PCDHGB5: variants seen among roughly 807,000 people sequenced by gnomAD.
PCDHGB5 encodes the protein protocadherin gamma subfamily B, 5, also known as protocadherin gamma-B5.
In PCDHGB5, 48 loss-of-function variants were observed where a neutral mutation model predicts 62.9. The observed-to-expected ratio is 0.76, with a 90% CI of 0.61 to 0.97. The LOEUF (loss-of-function observed/expected upper bound fraction) is 0.97. Ranked by LOEUF, PCDHGB5 falls within the 50% of genes least tolerant of loss-of-function variation. PCDHGB5 has a pLI of 0.00. For synonymous variants in PCDHGB5, 474 were observed against 511.2 expected, an observed-to-expected ratio of 0.93 and a Z score of 0.98; for missense variants, 1,118 against 1,198.6, an observed-to-expected ratio of 0.93 and a Z score of 0.99.
chr5:141,432,919 C>T lies in PCDHGB5; in HGVS notation c.2397+32395C>T. ...TGGCGCTCAGGCTGCGGCGCTGGCACAAGTCACGCCTGCTGCAGGCTTCAG... is the reference window on the plus strand; with the variant it reads ...TGGCGCTCAGGCTGCGGCGCTGGCATAAGTCACGCCTGCTGCAGGCTTCAG... On this transcript the variant is annotated intron_variant, in intron 1 of 3. Coordinates refer to ENST00000617380, the MANE Select transcript of PCDHGB5 (RefSeq NM_018925.3). The surrounding 1 kb of genome is among the most constrained non-coding windows in gnomAD (Gnocchi z 6.0). The T allele has an allele frequency of 2.5e-6, 4 of 1,614,210 alleles. No individual in the cohort carries two copies. Among genetic ancestry groups the T allele is most frequent in the Non-Finnish European group, 3.4e-6 (4 of 1,180,040 alleles).
In PCDHGB5 at chr5:141,491,406, C is replaced by G. The variant is rs773729429; in HGVS notation, c.2398-3401C>G. On this transcript the variant is annotated intron_variant, in intron 1 of 3. Transcript: ENST00000617380. This position sits in a 1 kb window ranked among gnomAD's most constrained non-coding sequence, Gnocchi z 6.9. ...CGAAGTGCCTTCAGGGAAACGCAGA[C>G]GGGGACGGGGGTGGAGGGCAGTGCT... 9 of 1,613,978 alleles carry G rather than the reference C, an allele frequency of 5.6e-6. No homozygotes were observed.
Position 141,438,643 on chromosome 5 carries a change from C to CATAT in PCDHGB5, c.2397+38120_2397+38121insTATA, listed in dbSNP as rs1213792286. ...ATATATATATATATATATACACACACACACACACATATATGTATATATATA... is the reference window on the plus strand; with the variant it reads ...ATATATATATATATATATACACACACATATACACACACATATATGTATATATATA... On this transcript the variant is annotated intron_variant, in intron 1 of 3. Transcript: ENST00000617380. Among the ~76,000 whole-genome samples, 345 of 117,382 alleles carry CATAT rather than the reference C, an allele frequency of 2.9e-3. 2 individuals are homozygous for CATAT. Among genetic ancestry groups the CATAT allele is most frequent in the Admixed American group, 6.8e-3 (78 of 11,434 alleles). 77.0% of individuals were successfully genotyped at this position (117,382 alleles called of 152,430 possible). A position where few individuals can be genotyped will look rare whatever the true frequency, so the allele number is the denominator to read the frequency against.
intron 2 of PCDHGB5, among the ~76,000 whole-genome samples, chr5:141,499,314 A>C (rs2099791047): frequency 6.6e-6 from 1 of 152,238 alleles, no homozygotes; most frequent in Non-Finnish European, 1.5e-5. Context: ...TCTGAGAGAC[A>C]GTATCCCTGC....
chr5:141,456,678 T>C (rs2098875796), intron 1 of PCDHGB5, among the ~76,000 whole-genome samples: 1 of 152,152 alleles, frequency 6.6e-6, no homozygotes, highest in South Asian at 2.1e-4. Flanking sequence ...TAAAAATGCA[T>C]TACTGGCCAG....
chr5:141,510,032 T>C (rs1410346284), intron 3 of PCDHGB5, among the ~76,000 whole-genome samples: 3 of 152,150 alleles, frequency 2.0e-5, no homozygotes, highest in Non-Finnish European at 4.4e-5. Flanking sequence ...GCTGGGCTGT[T>C]ATGTAGAGGT....
intron 1 of PCDHGB5, chr5:141,410,095 C>T (rs2095356889): frequency 1.2e-6 from 2 of 1,612,676 alleles, no homozygotes; most frequent in Non-Finnish European, 1.7e-6. Flanking sequence ...CGGCTCGAGC[C>T]TTAGGCGACA....
At chr5:141,419,796 T>C (rs1334397368) in intron 1 of PCDHGB5, 1 of 1,614,026 alleles carries the variant, frequency 6.2e-7, no homozygotes, top group Admixed American at 1.7e-5. Flanking sequence ...CTAGTCGCTG[T>C]AAGAGATGGA....
rs2099623095 is a variant in PCDHGB5 at position 141,486,025 on chromosome 5, T to C, written c.2398-8782T>C. 1 of 1,613,958 alleles carries C rather than the reference T, an allele frequency of 6.2e-7. No individual in the cohort carries two copies. The highest frequency in any genetic ancestry group is 8.5e-7 in the Non-Finnish European group (1 of 1,179,932). The stretch of plus-strand genomic sequence containing the variant: ...ACGTCACCTTTTATTTCAGTGGTCA[T>C]ACCCCTGATCGTGTAAGAAACCTCT... On this transcript the variant is annotated intron_variant, in intron 1 of 3. Transcript: ENST00000617380. The surrounding 1 kb of genome is among the most constrained non-coding windows in gnomAD (Gnocchi z 5.0).
Position 141,487,544 on chromosome 5 carries a change from C to A in PCDHGB5, c.2398-7263C>A. 1 of 1,614,190 alleles carries A rather than the reference C, an allele frequency of 6.2e-7. No homozygotes were observed. The highest frequency in any genetic ancestry group is 1.1e-5 in the South Asian group (1 of 91,088). On this transcript the variant is annotated intron_variant, in intron 1 of 3. Transcript: ENST00000617380. This position sits in a 1 kb window ranked among gnomAD's most constrained non-coding sequence, Gnocchi z 5.0. ...TGATAGCTTCATGATGGTGAAGTCA[C>A]CCAGTGCACCTATGGCAGGGGAGCC... is the stretch of plus-strand genomic sequence containing the variant.
At chr5:141,408,302 C>G (rs1017556555) in intron 1 of PCDHGB5, 1 of 1,613,662 alleles carries the variant, frequency 6.2e-7, no homozygotes. Flanking sequence ...TGAGCCGATC[C>G]GCTACTCGAT....
At position 141,405,363 on chromosome 5, in the gene PCDHGB5, C is replaced by T. The variant is rs765508317; in HGVS notation, c.2397+4839C>T. The T allele has an allele frequency of 2.0e-5, 33 of 1,613,690 alleles. No individual in the cohort carries two copies. The highest frequency in any genetic ancestry group is 2.7e-5 in the African/African-American group (2 of 74,888). On this transcript the variant is annotated intron_variant, in intron 1 of 3. Coordinates refer to ENST00000617380, the MANE Select transcript of PCDHGB5 (RefSeq NM_018925.3). ...GATTCCAAGTTTCCTATAGAAGACACCCCTTTGGTTCCGGTGAGTTCATTT... is the reference window on the plus strand; with the variant it reads ...GATTCCAAGTTTCCTATAGAAGACATCCCTTTGGTTCCGGTGAGTTCATTT...
rs2099883795 is a variant in PCDHGB5 at position 141,511,444 on chromosome 5, A to C, written c.*271A>C. 3.0e-6 allele frequency: 2 copies of C among 665,362 alleles called. No individual in the cohort carries two copies. The highest frequency in any genetic ancestry group is 3.6e-5 in the African/African-American group (2 of 54,978). 41.2% of individuals were successfully genotyped at this position (665,362 alleles called of 1,614,324 possible). On this transcript the variant is annotated 3_prime_UTR_variant, in exon 4 of 4. Coordinates refer to ENST00000617380, the MANE Select transcript of PCDHGB5 (RefSeq NM_018925.3). ...GGGTAGTGGGGTTACTGTAGACACC[A>C]AGAACCATTTGCCACACCCCGTTTA...
At position 141,491,117 on chromosome 5, in the gene PCDHGB5, G is replaced by A; in HGVS notation, c.2398-3690G>A. ...CTGTTCCTCGTGTCTACACACACTGGTGAGGTGCGCACAGCCCGGGCCTTA... is the reference window on the plus strand; with the variant it reads ...CTGTTCCTCGTGTCTACACACACTGATGAGGTGCGCACAGCCCGGGCCTTA... On this transcript the variant is annotated intron_variant, in intron 1 of 3. Coordinates refer to ENST00000617380, the MANE Select transcript of PCDHGB5 (RefSeq NM_018925.3). The surrounding 1 kb of genome is among the most constrained non-coding windows in gnomAD (Gnocchi z 6.9). 1 of 1,614,196 alleles carries A rather than the reference G, an allele frequency of 6.2e-7. No homozygotes were observed.
rs987773604 is a variant in PCDHGB5 at position 141,409,588 on chromosome 5, C to G, written c.2397+9064C>G. 5.6e-6 allele frequency: 9 copies of G among 1,613,760 alleles called. 1 individual carries two copies. The highest frequency in any genetic ancestry group is 7.6e-6 in the Non-Finnish European group (9 of 1,179,892). On this transcript the variant is annotated intron_variant, in intron 1 of 3. Transcript: ENST00000617380. ...AGACGTCCTACGTGGTCCACGTGGC[C>G]GAGAACAACCCGCCAGGAGCCTCCA...
chr5:141,482,160 T>G (rs577572891), intron 1 of PCDHGB5, among the ~76,000 whole-genome samples: 1 of 151,854 alleles, frequency 6.6e-6, no homozygotes, highest in Admixed American at 6.6e-5. Context: ...GTCAAAGATA[T>G]GTAAGATTAA....
Position 141,486,054 on chromosome 5 carries a change from G to T in PCDHGB5, c.2398-8753G>T. The T allele has an allele frequency of 1.2e-6, 2 of 1,614,124 alleles. No homozygotes were observed. Among genetic ancestry groups the T allele is most frequent in the South Asian group, 1.1e-5 (1 of 91,072 alleles). On this transcript the variant is annotated intron_variant, in intron 1 of 3. Transcript: ENST00000617380. The surrounding 1 kb of genome is among the most constrained non-coding windows in gnomAD (Gnocchi z 5.0). The stretch of plus-strand genomic sequence containing the variant: ...CCTGATCGTGTAAGAAACCTCTTTA[G>T]CCTGCACCCCACTACTGGAAAGCTT...
rs115982940 is a variant in PCDHGB5, at chr5:141,457,996, G to A, written c.2398-36811G>A. On this transcript the variant is annotated intron_variant, in intron 1 of 3. Transcript: ENST00000617380. ...AACACACCCTTTCAGTTAAAGCCTTGGCAAAATAACCGGTTTTTCCAATTG... is the reference window on the plus strand; with the variant it reads ...AACACACCCTTTCAGTTAAAGCCTTAGCAAAATAACCGGTTTTTCCAATTG... Among the ~76,000 whole-genome samples the A allele has an allele frequency of 2.4e-3, 372 of 152,212 alleles. 2 individuals carry two copies. Among genetic ancestry groups the A allele is most frequent in the African/African-American group, 8.4e-3 (347 of 41,522 alleles).
rs757755103 is a variant in PCDHGB5 at position 141,432,638 on chromosome 5, C to A, written c.2397+32114C>A. On this transcript the variant is annotated intron_variant, in intron 1 of 3. Coordinates refer to ENST00000617380, the MANE Select transcript of PCDHGB5 (RefSeq NM_018925.3). The surrounding 1 kb of genome is among the most constrained non-coding windows in gnomAD (Gnocchi z 6.0). ...GGTGGGTCTGCACACGGGCGAGGTG[C>A]GCACGGCGCGAGCCCTGCTGGACAG... The A allele has an allele frequency of 6.2e-6, 10 of 1,613,810 alleles. No homozygotes were observed. Among genetic ancestry groups the A allele is most frequent in the African/African-American group, 1.3e-5 (1 of 75,064 alleles).
intron 1 of PCDHGB5, chr5:141,423,769 CATAT>C (rs2096780943): frequency 8.2e-7 from 1 of 1,219,458 alleles, no homozygotes; most frequent in South Asian, 2.2e-5. Context: ...GGTGGGGCGG[CATAT>C]ATTTAGTTCA....
Sources: allele counts gnomAD v4.1 joint callset (sites outside exome capture counted in the v4.1 genomes callset), GRCh38; gene constraint gnomAD v4.1.1; non-coding constraint Gnocchi (gnomAD v3.1); transcripts MANE v1.5; gene names NCBI Gene and HGNC (gene_info 2026-07-23, HGNC 2026-07-21).